The following TTF2 variants were observed in gnomAD, a reference collection of about 807,000 sequenced individuals.
TTF2 encodes the protein transcription termination factor 2.
TTF2 carries 108 observed loss-of-function variants against 142.4 expected under a neutral mutation model. The observed-to-expected ratio is 0.76, with a 90% confidence interval of 0.65 to 0.89. The LOEUF (loss-of-function observed/expected upper bound fraction) is 0.89, where lower values mean the gene tolerates loss of function less well. TTF2 is among the 40% of genes least tolerant of loss of function. The probability of loss-of-function intolerance (pLI) is 0.00; values close to 1 mark genes in which losing one functional copy is unlikely to be tolerated. For synonymous variants in TTF2, 483 were observed against 506.2 expected, an observed-to-expected ratio of 0.95 and a Z score of 0.61; for missense variants, 1,327 against 1,379.8, an observed-to-expected ratio of 0.96 and a Z score of 0.61.
At position 117,084,803 on chromosome 1, in the gene TTF2, C is replaced by T. The variant is rs1321540290; in HGVS notation, c.2054+635C>T. ...AGTGAAGATCTAGATTGAATACTGG[C>T]TGCTGTAGTCAAGGATGAGAACAAA... On this transcript the variant is annotated intron_variant, in intron 11 of 22. Coordinates refer to ENST00000369466, the MANE Select transcript of TTF2 (RefSeq NM_003594.4). Among the ~76,000 whole-genome samples, 28 of 152,154 alleles carry T rather than the reference C, an allele frequency of 1.8e-4. 1 individual carries two copies. The highest frequency in any genetic ancestry group is 1.7e-3 in the Admixed American group (26 of 15,278).
At position 117,099,032 on chromosome 1, in the gene TTF2, GAGGCATACCTTC is replaced by G; in HGVS notation, c.3344+131_3344+142del. The G allele has an allele frequency of 1.2e-6, 1 of 853,374 alleles. No homozygotes were observed. The highest frequency in any genetic ancestry group is 1.7e-6 in the Non-Finnish European group (1 of 581,398). 52.9% of individuals were successfully genotyped at this position (853,374 alleles called of 1,614,324 possible). A position where few individuals can be genotyped will look rare whatever the true frequency, so the allele number is the denominator to read the frequency against. ...TGATGACTTTACTGATGATGCCCCT[GAGGCATACCTTC>G]AGGCAAACCACAGTCAGGAGAAAAA... On this transcript the variant is annotated intron_variant, in intron 22 of 22. Transcript: ENST00000369466. This position sits in a 1 kb window ranked among gnomAD's most constrained non-coding sequence, Gnocchi z 4.3.
chr1:117,101,810 A>T lies in TTF2; in HGVS notation c.*286A>T, dbSNP rs919577517. ...TGTTTTAGAGTTGGATGATTTTGGA[A>T]AACAACTCTGGCAGAATTGTATATA... On this transcript the variant is annotated 3_prime_UTR_variant, in exon 23 of 23. Coordinates refer to ENST00000369466, the MANE Select transcript of TTF2 (RefSeq NM_003594.4). The surrounding 1 kb of genome is among the most constrained non-coding windows in gnomAD (Gnocchi z 5.9). 4.0e-6 allele frequency: 1 copy of T among 252,164 alleles called. No homozygotes were observed. Among genetic ancestry groups the T allele is most frequent in the Non-Finnish European group, 7.4e-6 (1 of 134,642 alleles). The allele number at this position is 252,164 out of a possible 1,614,324, so 15.6% of individuals were successfully genotyped here. A position where few individuals can be genotyped will look rare whatever the true frequency, so the allele number is the denominator to read the frequency against.
rs768733524 is a variant in TTF2, at chr1:117,088,879, G to C, written c.2239G>C (p.Val747Leu). 33 of 1,614,100 alleles carry C rather than the reference G, an allele frequency of 2.0e-5. No individual in the cohort carries two copies. The highest frequency in any genetic ancestry group is 2.6e-5 in the Non-Finnish European group (31 of 1,180,038). Residue 747 changes from valine (V) to leucine (L), a missense_variant, in exon 13 of 23, where the codon GTG becomes CTG. Physicochemically the swap from Val to Leu is conservative, Grantham distance 32. Coordinates refer to ENST00000369466, the MANE Select transcript of TTF2 (RefSeq NM_003594.4). Reference protein sequence around the residue: ...DEAHNVKNPRVQTSIAVCKLQ... With the variant: ...DEAHNVKNPRLQTSIAVCKLQ... ...AGCTCACAATGTTAAGAATCCCCGA[G>C]TGCAGACTTCCATAGCTGTGTGTAA...
rs1649685104 is a variant in TTF2, at chr1:117,102,778, C to T, written c.*1254C>T. ...ATAATACTATTGGTACAATCCAATACTAATAATACTATTGGTACAATCCAA... is the reference window on the plus strand; with the variant it reads ...ATAATACTATTGGTACAATCCAATATTAATAATACTATTGGTACAATCCAA... On this transcript the variant is annotated 3_prime_UTR_variant, in exon 23 of 23. Transcript: ENST00000369466. 1 of 152,146 alleles carries T rather than the reference C, an allele frequency of 6.6e-6. No homozygotes were observed. Among genetic ancestry groups the T allele is most frequent in the Non-Finnish European group, 1.5e-5 (1 of 68,030 alleles). 9.4% of individuals were successfully genotyped at this position (152,146 alleles called of 1,614,324 possible).
chr1:117,098,678 T>A (rs1210008487), intron 21 of TTF2, 155 bp from the exon 22 acceptor site: 2 of 622,248 alleles, frequency 3.2e-6, no homozygotes, highest in Non-Finnish European at 2.8e-6. Context: ...TGTGTTTTGT[T>A]TTGCTTTGCT....
Position 117,103,070 on chromosome 1 carries a change from G to A in TTF2, c.*1546G>A, listed in dbSNP as rs1202281966. The A allele has an allele frequency of 6.6e-6, 1 of 152,156 alleles. No homozygotes were observed. Among genetic ancestry groups the A allele is most frequent in the African/African-American group, 2.4e-5 (1 of 41,412 alleles). 9.4% of individuals were successfully genotyped at this position (152,156 alleles called of 1,614,324 possible). ...GCTGTTTCTTCCCTCCTCAGCCTATGGGATGCAAAGGAACTGATGGAAGAT... is the reference window on the plus strand; with the variant it reads ...GCTGTTTCTTCCCTCCTCAGCCTATAGGATGCAAAGGAACTGATGGAAGAT... On this transcript the variant is annotated 3_prime_UTR_variant, in exon 23 of 23. Transcript: ENST00000369466.
chr1:117,077,479 C>T (rs1657108391), intron 7 of TTF2, among the ~76,000 whole-genome samples: 1 of 152,124 alleles, frequency 6.6e-6, no homozygotes, highest in African/African-American at 2.4e-5. Context: ...CAGATATGCT[C>T]TTATTCTTTC....
rs1297559142 is a variant in TTF2, at chr1:117,107,049, G to A, written c.*5525G>A. Reference sequence around the variant, plus strand: ...GTACATCATAATGCTGCATCTTGTTGACGCTTCAATGCTCACAATTCAAAG... The same window carrying A: ...GTACATCATAATGCTGCATCTTGTTAACGCTTCAATGCTCACAATTCAAAG... On this transcript the variant is annotated 3_prime_UTR_variant, in exon 23 of 23. Transcript: ENST00000369466. The A allele has an allele frequency of 6.6e-6, 1 of 152,054 alleles. No individual in the cohort carries two copies. The highest frequency in any genetic ancestry group is 2.4e-5 in the African/African-American group (1 of 41,406). The allele number at this position is 152,054 out of a possible 1,614,324, so 9.4% of individuals were successfully genotyped here. A position where few individuals can be genotyped will look rare whatever the true frequency, so the allele number is the denominator to read the frequency against.
At chr1:117,082,536 T>C (rs1055144464) in intron 10 of TTF2, among the ~76,000 whole-genome samples, 4 of 152,140 alleles carry the variant, frequency 2.6e-5, no homozygotes, top group Admixed American at 1.3e-4. Flanking sequence ...TTTGGAAATA[T>C]TGGGGAAATA....
rs146922930 is a variant in TTF2, at chr1:117,086,273, G to A, written c.2055-144G>A. On this transcript the variant is annotated intron_variant, in intron 11 of 22. Coordinates refer to ENST00000369466, the MANE Select transcript of TTF2 (RefSeq NM_003594.4). This position sits in a 1 kb window ranked among gnomAD's most constrained non-coding sequence, Gnocchi z 4.2. ...TGTGTGTGTGTGTGTGTGTGTGTGC[G>A]TGTGTGTGTTAAGGACACAAGTTAA... 9.5e-4 allele frequency: 565 copies of A among 597,796 alleles called. No homozygotes were observed. Among genetic ancestry groups the A allele is most frequent in the Non-Finnish European group, 1.4e-3 (466 of 331,112 alleles). 37.0% of individuals were successfully genotyped at this position (597,796 alleles called of 1,614,324 possible).
At position 117,075,065 on chromosome 1, in the gene TTF2, C is replaced by T. The variant is rs35838803; in HGVS notation, c.481C>T (p.Gln161Ter). Residue 161 changes from glutamine (Q) to a stop codon, truncating the protein, a stop_gained, in exon 5 of 23, where the codon CAG (glutamine) becomes TAG (stop). Transcript: ENST00000369466. LOFTEE classifies it high-confidence loss of function. The surrounding 1 kb of genome is among the most constrained non-coding windows in gnomAD (Gnocchi z 4.5). The part of the protein sequence containing the change: ...ADKKQREKGD[Q>*]LFDQKKEQKP... ...TAAGAAGCAAAGAGAAAAGGGAGAT[C>T]AGCTTTTCGATCAAAAGAAAGAACA... is the stretch of plus-strand genomic sequence containing the variant. 6.2e-7 allele frequency: 1 copy of T among 1,613,764 alleles called. No individual in the cohort carries two copies. Among genetic ancestry groups the T allele is most frequent in the Non-Finnish European group, 8.5e-7 (1 of 1,179,964 alleles).
intron 10 of TTF2, 43 bp downstream of exon 10, chr1:117,081,990 T>G: frequency 6.2e-7 from 1 of 1,613,132 alleles, no homozygotes; most frequent in Non-Finnish European, 8.5e-7. Flanking sequence ...CCTACGTCAT[T>G]TGAGCCACCC....
Position 117,100,099 on chromosome 1 carries a change from A to G in TTF2, c.3344+1192A>G, listed in dbSNP as rs892145184. 2.0e-5 allele frequency among the ~76,000 whole-genome samples: 3 copies of G among 152,242 alleles called. No homozygotes were observed. The highest frequency in any genetic ancestry group is 2.9e-5 in the Non-Finnish European group (2 of 68,046). ...CTTTTGAGCATTCAGCCCATAAAAC[A>G]TACCTTTTGAGCACCCACTATGTAG... On this transcript the variant is annotated intron_variant, in intron 22 of 22. Coordinates refer to ENST00000369466, the MANE Select transcript of TTF2 (RefSeq NM_003594.4). The surrounding 1 kb of genome is among the most constrained non-coding windows in gnomAD (Gnocchi z 4.6).
At chr1:117,091,275 C>G in intron 15 of TTF2, 53 bp from the exon 16 acceptor site, 1 of 1,470,928 alleles carries the variant, frequency 6.8e-7, no homozygotes, top group Non-Finnish European at 9.3e-7. Flanking sequence ...CACAGTTAAG[C>G]AGGTCTTAGT....
At chr1:117,067,313 C>T (rs1003604236) in intron 3 of TTF2, among the ~76,000 whole-genome samples, 2 of 152,108 alleles carry the variant, frequency 1.3e-5, no homozygotes, top group Admixed American at 1.3e-4. Context: ...CGGCGGATCA[C>T]TTGAGGCCAG....
intron 13 of TTF2, 38 bp downstream of exon 13, chr1:117,089,020 G>A (rs1160686357): frequency 1.3e-6 from 2 of 1,546,780 alleles, no homozygotes; most frequent in Non-Finnish European, 1.7e-6. Context: ...TATGAACCCT[G>A]TCTGTATCCC....
chr1:117,094,500 A>C (rs115942879), intron 18 of TTF2: 4,457 of 431,466 alleles, frequency 0.01, 188 homozygotes, highest in African/African-American at 0.083. Context: ...ACTCAAGTGC[A>C]CCCTAAGGGT....
In TTF2 at chr1:117,083,241, C is replaced by CAA. The variant is rs937586299; in HGVS notation, c.1904-756_1904-755dup. Among the ~76,000 whole-genome samples the CAA allele has an allele frequency of 3.3e-3, 177 of 53,064 alleles. 3 individuals are homozygous for CAA. The highest frequency in any genetic ancestry group is 9.5e-3 in the African/African-American group (141 of 14,818). 34.8% of individuals were successfully genotyped at this position (53,064 alleles called of 152,430 possible). A position where few individuals can be genotyped will look rare whatever the true frequency, so the allele number is the denominator to read the frequency against. ...TGGGTGACAGAGCGAGACTCCGTCT[C>CAA]AAAAAAAAAAAAAAAAAAAAAATCT... On this transcript the variant is annotated intron_variant, in intron 10 of 22. Transcript: ENST00000369466.
In TTF2 at chr1:117,073,610, G is replaced by A. The variant is rs774405138; in HGVS notation, c.219-51G>A. 8 of 1,535,382 alleles carry A rather than the reference G, an allele frequency of 5.2e-6. No homozygotes were observed. In the East Asian group the frequency reaches 1.8e-4, roughly 35 times the overall value. On this transcript the variant is annotated intron_variant, in intron 3 of 22. Transcript: ENST00000369466. This position sits in a 1 kb window ranked among gnomAD's most constrained non-coding sequence, Gnocchi z 4.4. ...TGGATTAAAAATAAGCTTATCTCTT[G>A]TTCTAATGGATTTTCATAGCCTTGA...
Sources: gnomAD v4.1 joint callset for allele counts (sites outside exome capture counted in the v4.1 genomes callset) on GRCh38, gnomAD v4.1.1 for gene constraint, Gnocchi (gnomAD v3.1) non-coding constraint, MANE v1.5 for transcripts, NCBI Gene and HGNC (gene_info 2026-07-23, HGNC 2026-07-21) for gene names.